Variants in UBE2D3 observed in about 807,000 individuals in gnomAD.
UBE2D3 encodes the protein ubiquitin-conjugating enzyme E2 D3.
A neutral mutation model predicts 22.8 loss-of-function variants in UBE2D3; 2 were observed. That is an observed-to-expected ratio of 0.09 (90% CI 0.04 to 0.28). The LOEUF (loss-of-function observed/expected upper bound fraction) is 0.28. Among genes scored for constraint, UBE2D3 ranks in the 10% least tolerant of loss-of-function variants. The pLI, the probability that UBE2D3 is intolerant of heterozygous loss-of-function variation, is 1.00. For synonymous variants in UBE2D3, 56 were observed against 60.4 expected, an observed-to-expected ratio of 0.93 and a Z score of 0.34; for missense variants, 27 against 182.5, an observed-to-expected ratio of 0.15 and a Z score of 4.91.
intron 2 of UBE2D3, among the ~76,000 whole-genome samples, chr4:102,820,707 T>A (rs1405672982): frequency 2.0e-5 from 3 of 152,154 alleles, no homozygotes; most frequent in Admixed American, 2.0e-4. Flanking sequence ...GCAAGAAGGG[T>A]GTTTTATGGA....
chr4:102,805,829 T>C (rs764573039), intron 4 of UBE2D3, among the ~76,000 whole-genome samples: 4 of 152,196 alleles, frequency 2.6e-5, no homozygotes, highest in Non-Finnish European at 4.4e-5. Flanking sequence ...CGTCCAAAAC[T>C]GAAACTTGTC....
chr4:102,836,141 A>ATTTTTTTTTT (rs907557988), intron 1 of UBE2D3, among the ~76,000 whole-genome samples: 9 of 102,644 alleles, frequency 8.8e-5, no homozygotes, highest in South Asian at 3.1e-4. Flanking sequence ...GTTTGTTTCC[A>ATTTTTTTTTT]TTTTTTTTTT....
intron 1 of UBE2D3, among the ~76,000 whole-genome samples, chr4:102,849,726 A>T (rs1169487291): frequency 6.6e-6 from 1 of 152,206 alleles, no homozygotes; most frequent in Admixed American, 6.5e-5. Flanking sequence ...TCAAAATGAG[A>T]TACCACTACA....
At chr4:102,822,138 T>G (rs543724824) in intron 2 of UBE2D3, among the ~76,000 whole-genome samples, 11 of 152,346 alleles carry the variant, frequency 7.2e-5, no homozygotes, top group African/African-American at 2.6e-4. Flanking sequence ...TGATGGAGCA[T>G]TCAACTTTTT....
intron 2 of UBE2D3, chr4:102,810,867 G>C (rs1727857905): frequency 6.6e-6 from 1 of 150,926 alleles, no homozygotes; most frequent in Non-Finnish European, 1.5e-5. Flanking sequence ...AAAAAAAAAA[G>C]ACAATAAATA....
chr4:102,848,169 T>C (rs1362693132), intron 1 of UBE2D3, among the ~76,000 whole-genome samples: 1 of 152,054 alleles, frequency 6.6e-6, no homozygotes, highest in Non-Finnish European at 1.5e-5. Context: ...GGTGATACAC[T>C]CCTCACCTGC....
chr4:102,827,715 C>G, upstream of UBE2D3: 1 of 928,864 alleles, frequency 1.1e-6, no homozygotes, highest in Non-Finnish European at 1.2e-6. Flanking sequence ...AAGCCCTTTT[C>G]CTTCTTCTCG....
At chr4:102,831,102 A>G (rs894435902), upstream of UBE2D3, among the ~76,000 whole-genome samples, 2 of 152,232 alleles carry the variant, frequency 1.3e-5, no homozygotes, top group Admixed American at 1.3e-4. Context: ...ATAACTTGCC[A>G]AAGACACTGG....
chr4:102,838,424 A>G (rs1731544901), intron 1 of UBE2D3, among the ~76,000 whole-genome samples: 1 of 152,174 alleles, frequency 6.6e-6, no homozygotes, highest in Non-Finnish European at 1.5e-5. Context: ...AAAACACCAC[A>G]GATCAGATCT....
chr4:102,859,383 A>G (rs1732774217), intron 1 of UBE2D3, among the ~76,000 whole-genome samples: 1 of 151,984 alleles, frequency 6.6e-6, no homozygotes, highest in Admixed American at 6.6e-5. Context: ...TCTCAGTGAA[A>G]AAATTTTCAT....
At chr4:102,802,022 A>G (rs1393516274) in intron 5 of UBE2D3, 3 of 155,612 alleles carry the variant, frequency 1.9e-5, no homozygotes, top group African/African-American at 7.2e-5. Context: ...ACATTACTAG[A>G]GATTGTTATA....
At chr4:102,821,363 C>G (rs779099045) in intron 2 of UBE2D3, among the ~76,000 whole-genome samples, 9 of 152,050 alleles carry the variant, frequency 5.9e-5, no homozygotes, top group Non-Finnish European at 1.0e-4. Context: ...AAGTGACAAA[C>G]AACTATTCAT....
At chr4:102,799,671 G>A (rs1033604427) in intron 6 of UBE2D3, among the ~76,000 whole-genome samples, 171 bp from the exon 7 acceptor site, 2 of 151,776 alleles carry the variant, frequency 1.3e-5, no homozygotes, top group African/African-American at 4.8e-5. Context: ...ACAAGCTCCT[G>A]GTAAGTAAGA....
chr4:102,806,108 C>T (rs955933978), intron 4 of UBE2D3, among the ~76,000 whole-genome samples: 1 of 152,066 alleles, frequency 6.6e-6, no homozygotes, highest in African/African-American at 2.4e-5. Flanking sequence ...AATGTTACTC[C>T]CCTGCTTGAA....
chr4:102,852,526 C>T (rs1236984620), intron 1 of UBE2D3, among the ~76,000 whole-genome samples: 1 of 152,188 alleles, frequency 6.6e-6, no homozygotes, highest in Non-Finnish European at 1.5e-5. Context: ...TGAGATCCTG[C>T]ACTTTTCTCC....
intron 2 of UBE2D3, among the ~76,000 whole-genome samples, chr4:102,822,948 A>AAC (rs1464081365): frequency 1.5e-4 from 23 of 152,126 alleles, no homozygotes; most frequent in South Asian, 2.1e-4. Context: ...ACAACAACAA[A>AAC]AAAAGGAATT....
At chr4:102,799,073 G>C in intron 7 of UBE2D3, 1 of 1,389,240 alleles carries the variant, frequency 7.2e-7, no homozygotes, top group Non-Finnish European at 1.0e-6. Context: ...GAGAAATTTA[G>C]ACCAAATTTT....
chr4:102,805,824 A>C (rs1726939529), intron 4 of UBE2D3, among the ~76,000 whole-genome samples: 1 of 152,220 alleles, frequency 6.6e-6, no homozygotes, highest in South Asian at 2.1e-4. Context: ...TCATGCGTCC[A>C]AAACTGAAAC....
At chr4:102,808,581 C>G (rs1271991784) in intron 4 of UBE2D3, among the ~76,000 whole-genome samples, 1 of 152,134 alleles carries the variant, frequency 6.6e-6, no homozygotes, top group Non-Finnish European at 1.5e-5. Flanking sequence ...TTAATCCTCC[C>G]TGCTTCAATT....
Sources: allele counts gnomAD v4.1 joint callset (sites outside exome capture counted in the v4.1 genomes callset), GRCh38; gene constraint gnomAD v4.1.1; transcripts MANE v1.5; gene names NCBI Gene and HGNC (gene_info 2026-07-23, HGNC 2026-07-21).